Variants in CCDC60 observed in about 807,000 individuals in gnomAD.
CCDC60 encodes coiled-coil domain containing 60, also known as coiled-coil domain-containing protein 60.
A neutral mutation model predicts 63.5 loss-of-function variants in CCDC60; 54 were observed. That is an observed-to-expected ratio of 0.85 (90% CI 0.68 to 1.07). The LOEUF is 1.07. Among genes scored for constraint, CCDC60 ranks in the 50% least tolerant of loss-of-function variants. The pLI is 0.00. For missense variants in CCDC60, 651 were observed against 684.3 expected (o/e 0.95, Z 0.54); for synonymous variants, 206 against 238.8 (o/e 0.86, Z 1.27).
intron 7 of CCDC60, among the ~76,000 whole-genome samples, 192 bp from the exon 8 acceptor site, chr12:119,516,431 G>A (rs1482912650): frequency 1.3e-5 from 2 of 152,172 alleles, no homozygotes; most frequent in African/African-American, 4.8e-5. Flanking sequence ...TTAAGCAGGG[G>A]CGTGGCATGG....
chr12:119,498,664 C>A (rs926455718), intron 5 of CCDC60, among the ~76,000 whole-genome samples: 1 of 151,976 alleles, frequency 6.6e-6, no homozygotes, highest in East Asian at 1.9e-4. Flanking sequence ...CTCTGCTAGG[C>A]GAGAGCTAGA....
At chr12:119,517,386 G>A (rs1271987128) in intron 8 of CCDC60, among the ~76,000 whole-genome samples, 1 of 152,114 alleles carries the variant, frequency 6.6e-6, no homozygotes, top group African/African-American at 2.4e-5. Flanking sequence ...CCTCCTTTGA[G>A]TGAATATTTA....
At chr12:119,416,977 C>T (rs975323262) in intron 1 of CCDC60, among the ~76,000 whole-genome samples, 3 of 152,098 alleles carry the variant, frequency 2.0e-5, no homozygotes, top group East Asian at 1.9e-4. Context: ...CAAAATTATT[C>T]GGGCATGGTG....
intron 6 of CCDC60, among the ~76,000 whole-genome samples, chr12:119,504,730 T>G (rs1397493289): frequency 6.6e-6 from 1 of 152,194 alleles, no homozygotes; most frequent in Non-Finnish European, 1.5e-5. Flanking sequence ...AAAAGAAAAG[T>G]CAAAACCTGT....
chr12:119,353,595 C>CTT (rs1955682395), intron 1 of CCDC60, among the ~76,000 whole-genome samples: 3 of 110,864 alleles, frequency 2.7e-5, no homozygotes, highest in Non-Finnish European at 3.7e-5. Context: ...TCTTCTTCTT[C>CTT]TTCTTTTTTT....
At position 119,335,199 on chromosome 12, in the gene CCDC60, A is replaced by G. The variant is rs1403676225; in HGVS notation, c.23A>G (p.Lys8Arg). MTKVPAT[K>R]KLQSSPNSGA... ...AAGATGACCAAGGTTCCAGCCACCA[A>G]GAAGCTTCAGAGTTCCCCCAACTCG... is the stretch of plus-strand genomic sequence containing the variant. The change falls in exon 1 of 14, where the codon AAG becomes AGG. Residue 8 changes from lysine (K) to arginine (R), a missense_variant. By Grantham distance (26) the Lys-to-Arg change is conservative (BLOSUM62 2). Coordinates refer to ENST00000327554, the MANE Select transcript of CCDC60 (RefSeq NM_178499.5). 6.2e-7 allele frequency: 1 copy of G among 1,607,376 alleles called. No homozygotes were observed. Among genetic ancestry groups the G allele is most frequent in the Non-Finnish European group, 8.5e-7 (1 of 1,177,442 alleles).
At chr12:119,477,309 T>C (rs1486042958) in intron 3 of CCDC60, among the ~76,000 whole-genome samples, 1 of 152,242 alleles carries the variant, frequency 6.6e-6, no homozygotes, top group East Asian at 1.9e-4. Flanking sequence ...TACCTCTCGA[T>C]TGGAGAAGTT....
chr12:119,433,900 A>C (rs1371200342), intron 2 of CCDC60, among the ~76,000 whole-genome samples: 6 of 152,146 alleles, frequency 3.9e-5, no homozygotes, highest in African/African-American at 1.4e-4. Context: ...AACTTGGTGA[A>C]TTTCTAGCGG....
Position 119,479,195 on chromosome 12 carries a change from C to G in CCDC60, c.443C>G (p.Ala148Gly). The change falls in exon 4 of 14, where the codon GCT (alanine) becomes GGT (glycine). Residue 148 changes from alanine (A) to glycine (G), a missense_variant. By Grantham distance (60) the Ala-to-Gly change is moderately conservative. Coordinates refer to ENST00000327554, the MANE Select transcript of CCDC60 (RefSeq NM_178499.5). ...SCIISPSLTE[A>G]HVEPLFRQLC... is the part of the protein sequence containing the mutation. ...ATCATTTCTCCCTCGCTAACCGAGG[C>G]TCACGTGTAAGTAGTCTCACCTCCA... 1 of 1,611,370 alleles carries G rather than the reference C, an allele frequency of 6.2e-7. No homozygotes were observed. Among genetic ancestry groups the G allele is most frequent in the African/African-American group, 1.3e-5 (1 of 75,016 alleles).
chr12:119,390,976 C>G (rs926523877), intron 1 of CCDC60, among the ~76,000 whole-genome samples: 4 of 152,230 alleles, frequency 2.6e-5, no homozygotes, highest in African/African-American at 4.8e-5. Flanking sequence ...CTAGTCAGAC[C>G]TCAGTACACA....
At chr12:119,453,738 C>T (rs1039373014) in intron 2 of CCDC60, among the ~76,000 whole-genome samples, 2 of 151,296 alleles carry the variant, frequency 1.3e-5, no homozygotes, top group African/African-American at 4.9e-5. Context: ...TACCAGAAGG[C>T]ATTCATGGTG....
At chr12:119,421,375 G>A (rs1956809966) in intron 1 of CCDC60, among the ~76,000 whole-genome samples, 1 of 152,178 alleles carries the variant, frequency 6.6e-6, no homozygotes, top group Non-Finnish European at 1.5e-5. Flanking sequence ...CCCTCAGGTA[G>A]TTCCCACTAT....
chr12:119,383,926 G>A (rs1346297278), intron 1 of CCDC60, among the ~76,000 whole-genome samples: 1 of 152,214 alleles, frequency 6.6e-6, no homozygotes, highest in Non-Finnish European at 1.5e-5. Flanking sequence ...GCCGGGCGCG[G>A]TGGCTCACGC....
rs1956057242 is a variant in CCDC60 at position 119,386,063 on chromosome 12, C to T, written c.91-42620C>T. Among the ~76,000 whole-genome samples the T allele has an allele frequency of 2.0e-5, 3 of 152,342 alleles. No individual in the cohort carries two copies. In the South Asian group the frequency reaches 6.2e-4, roughly 32 times the overall value. On this transcript the variant is annotated intron_variant, in intron 1 of 13. Coordinates refer to ENST00000327554, the MANE Select transcript of CCDC60 (RefSeq NM_178499.5). Reference sequence around the variant, plus strand: ...AAGAATTTCCAGCACAGAACAACCACTAACCATTCAACCATTTATTTGTTG... The same window carrying T: ...AAGAATTTCCAGCACAGAACAACCATTAACCATTCAACCATTTATTTGTTG...
At chr12:119,396,247 C>T (rs566565887) in intron 1 of CCDC60, among the ~76,000 whole-genome samples, 98 of 152,262 alleles carry the variant, frequency 6.4e-4, no homozygotes, top group African/African-American at 2.2e-3. Flanking sequence ...CTTATCCTCT[C>T]CTTTTCTTAT....
chr12:119,361,222 C>A, intron 1 of CCDC60, among the ~76,000 whole-genome samples: 2 of 137,688 alleles, frequency 1.5e-5, no homozygotes, highest in African/African-American at 2.7e-5. Flanking sequence ...AGAGGGAGAG[C>A]TCAAGTCTAT....
At chr12:119,457,716 C>CGGGGGGGGG (rs144305914) in intron 2 of CCDC60, among the ~76,000 whole-genome samples, 7 of 150,392 alleles carry the variant, frequency 4.7e-5, no homozygotes, top group African/African-American at 1.8e-4. Flanking sequence ...TGGTGGTTGG[C>CGGGGGGGGG]GGGGGGGAGA....
At chr12:119,335,724 G>A (rs1381312747) in intron 1 of CCDC60, among the ~76,000 whole-genome samples, 10 of 152,066 alleles carry the variant, frequency 6.6e-5, no homozygotes, top group Middle Eastern at 3.4e-3. Flanking sequence ...AGTATGTTGC[G>A]AAAATTTTCT....
intron 7 of CCDC60, among the ~76,000 whole-genome samples, chr12:119,512,469 C>A (rs2106293): frequency 0.038 from 5,795 of 152,280 alleles, 187 homozygotes; most frequent in African/African-American, 0.092. Context: ...TGAACAGAAA[C>A]TGGCTATCAC....
Sources: allele counts gnomAD v4.1 joint callset (sites outside exome capture counted in the v4.1 genomes callset), GRCh38; gene constraint gnomAD v4.1.1; transcripts MANE v1.5; gene names NCBI Gene and HGNC (gene_info 2026-07-23, HGNC 2026-07-21).